ARID4B: variants seen among roughly 807,000 people sequenced by gnomAD.
ARID4B encodes the protein AT-rich interactive domain-containing protein 4B.
ARID4B carries 26 observed loss-of-function variants against 147.5 expected under a neutral mutation model. The observed-to-expected ratio is 0.18, with a 90% CI of 0.13 to 0.24. ARID4B has a LOEUF of 0.24. Ranked by LOEUF, ARID4B falls within the 10% of genes least tolerant of loss-of-function variation. The pLI is 1.00. For missense variants in ARID4B, 1,179 were observed against 1,511.5 expected (o/e 0.78, Z 3.65); for synonymous variants, 512 against 507.9 (o/e 1.01, Z -0.11).
At chr1:235,172,538 A>G (rs1439244149) in intron 23 of ARID4B, 80 bp downstream of exon 23, 1 of 1,033,580 alleles carries the variant, frequency 9.7e-7, no homozygotes. Context: ...AGATTGCGCC[A>G]TTGCACTCCA....
chr1:235,288,173 G>A (rs568088936), intron 2 of ARID4B, among the ~76,000 whole-genome samples: 8 of 152,238 alleles, frequency 5.3e-5, no homozygotes, highest in Non-Finnish European at 1.0e-4. Context: ...TTAGCCAGGC[G>A]TGGTGGTGGG....
chr1:235,302,135 ACT>A (rs1311773407), intron 2 of ARID4B, among the ~76,000 whole-genome samples: 5 of 117,354 alleles, frequency 4.3e-5, no homozygotes, highest in African/African-American at 1.7e-4. Context: ...TGCCTGGCTG[ACT>A]CTGTCTCAAA....
chr1:235,207,836 T>A (rs1371682427), intron 17 of ARID4B, among the ~76,000 whole-genome samples: 1 of 152,234 alleles, frequency 6.6e-6, no homozygotes, highest in Non-Finnish European at 1.5e-5. Context: ...CTAAGAGGAT[T>A]TAATTTGTTT....
At chr1:235,242,912 A>C (rs1263133742) in intron 7 of ARID4B, among the ~76,000 whole-genome samples, 1 of 151,612 alleles carries the variant, frequency 6.6e-6, no homozygotes, top group African/African-American at 2.4e-5. Flanking sequence ...CTGCCCATCT[A>C]CCTCTTTTCA....
At position 235,182,315 on chromosome 1, in the gene ARID4B, T is replaced by C; in HGVS notation, c.2604A>G (p.Glu868=). ...SNSSSDEDEE[E]TKAKMTPTKK... Reference sequence around the variant, plus strand: ...TAGTTGGTGTCATCTTTGCTTTTGTTTCTTCTTCATCTTCATCTGAAGAGC... The same window carrying C: ...TAGTTGGTGTCATCTTTGCTTTTGTCTCTTCTTCATCTTCATCTGAAGAGC... The change falls in exon 20 of 24, where the codon GAA becomes GAG. Residue 868 remains glutamate, a synonymous_variant. Transcript: ENST00000264183. 1 of 1,614,020 alleles carries C rather than the reference T, an allele frequency of 6.2e-7. No individual in the cohort carries two copies. Among genetic ancestry groups the C allele is most frequent in the African/African-American group, 1.3e-5 (1 of 75,032 alleles).
rs76985836 is a variant in ARID4B, at chr1:235,251,001, A to C, written c.354+1729T>G. On this transcript the variant is annotated intron_variant, in intron 6 of 23. Transcript: ENST00000264183. ...CACTGACTGTACGGAAATGAAATTAAAATAATTCCACGAACTCAGGGAGAA... is the reference window on the plus strand; with the variant it reads ...CACTGACTGTACGGAAATGAAATTACAATAATTCCACGAACTCAGGGAGAA... 5.9e-4 allele frequency among the ~76,000 whole-genome samples: 90 copies of C among 152,304 alleles called. No homozygotes were observed. In the East Asian group the frequency reaches 0.013, roughly 22 times the overall value.
At chr1:235,218,541 A>G (rs1558213218) in intron 16 of ARID4B, among the ~76,000 whole-genome samples, 1 of 152,188 alleles carries the variant, frequency 6.6e-6, no homozygotes, top group Non-Finnish European at 1.5e-5. Context: ...ACATAGAAAT[A>G]TAACAAAGTA....
chr1:235,313,322 G>A (rs1210633067), intron 2 of ARID4B, among the ~76,000 whole-genome samples: 1 of 148,462 alleles, frequency 6.7e-6, no homozygotes, highest in African/African-American at 2.4e-5. Context: ...GACCCACCGT[G>A]CATGCCTAAG....
chr1:235,278,772 C>T (rs2103170611), intron 2 of ARID4B, among the ~76,000 whole-genome samples: 1 of 152,292 alleles, frequency 6.6e-6, no homozygotes, highest in East Asian at 1.9e-4. Context: ...AATTGTCCTA[C>T]CACTTTTGGC....
chr1:235,306,815 C>G (rs1356742065), intron 2 of ARID4B, among the ~76,000 whole-genome samples: 1 of 151,934 alleles, frequency 6.6e-6, no homozygotes, highest in Non-Finnish European at 1.5e-5. Context: ...ACCACCACAC[C>G]CGGCTAATTT....
At chr1:235,297,484 G>A (rs1157607427) in intron 2 of ARID4B, among the ~76,000 whole-genome samples, 2 of 152,136 alleles carry the variant, frequency 1.3e-5, no homozygotes, top group African/African-American at 4.8e-5. Context: ...AAATGTAGGA[G>A]TGATATAATT....
intron 19 of ARID4B, among the ~76,000 whole-genome samples, chr1:235,185,603 G>C (rs1333055494): frequency 1.3e-5 from 2 of 152,054 alleles, no homozygotes; most frequent in African/African-American, 4.8e-5. Context: ...ATCTGTACTA[G>C]AGCTCATCGA....
chr1:235,325,789 C>A (rs59743715), intron 2 of ARID4B, among the ~76,000 whole-genome samples: 1 of 152,026 alleles, frequency 6.6e-6, no homozygotes, highest in Non-Finnish European at 1.5e-5. Flanking sequence ...AAAGAGAAAA[C>A]CTTAAAAAAA....
chr1:235,225,387 G>A (rs10495360), intron 11 of ARID4B, among the ~76,000 whole-genome samples: 6,037 of 152,250 alleles, frequency 0.04, 452 homozygotes, highest in African/African-American at 0.14. Context: ...TCAATTACAA[G>A]GGAAGGACTA....
intron 2 of ARID4B, among the ~76,000 whole-genome samples, chr1:235,309,312 C>T (rs1327710126): frequency 4.9e-5 from 7 of 142,190 alleles, no homozygotes; most frequent in African/African-American, 1.6e-4. Flanking sequence ...GGAGCCCCTC[C>T]GCCCGGCAGC....
intron 19 of ARID4B, among the ~76,000 whole-genome samples, chr1:235,186,722 A>AT (rs1214658354): frequency 7.2e-6 from 1 of 139,512 alleles, no homozygotes; most frequent in African/African-American, 2.7e-5. Context: ...TTTAATTTAG[A>AT]TTTTTTGTTT....
intron 2 of ARID4B, among the ~76,000 whole-genome samples, chr1:235,309,204 G>T (rs1277075718): frequency 2.0e-5 from 3 of 148,750 alleles, no homozygotes; most frequent in African/African-American, 5.0e-5. Context: ...CTGCCCGGCC[G>T]CCCCGTCTGA....
chr1:235,240,440 T>G lies in ARID4B; in HGVS notation c.458A>C (p.Glu153Ala), dbSNP rs764389445. ...GRRSNHIPEE[E>A]SSSSSSDEDE... Reference sequence around the variant, plus strand: ...TTCATCACTGGAGGATGATGAAGACTCTTCCTCTGGTCTAGGGAGAGAAAA... The same window carrying G: ...TTCATCACTGGAGGATGATGAAGACGCTTCCTCTGGTCTAGGGAGAGAAAA... The change falls in exon 8 of 24, where the codon GAG becomes GCG. Residue 153 changes from glutamate (E) to alanine (A), a missense_variant. By Grantham distance (107) the Glu-to-Ala change is moderately radical. This residue lies in a region of ARID4B where 159 missense variants were observed against 190.5 expected (regional missense o/e 0.83). Coordinates refer to ENST00000264183, the MANE Select transcript of ARID4B (RefSeq NM_016374.6). 5 of 1,613,216 alleles carry G rather than the reference T, an allele frequency of 3.1e-6. No homozygotes were observed. The Admixed American group carries it at 6.7e-5, about 22-fold the overall frequency.
rs145851682 is a variant in ARID4B at position 235,321,087 on chromosome 1, G to A, written c.6+5827C>T. On this transcript the variant is annotated intron_variant, in intron 2 of 23. Coordinates refer to ENST00000264183, the MANE Select transcript of ARID4B (RefSeq NM_016374.6). ...ATCCTCAAAACCCAGAACAATGTCCGGTACAAGGAAAGTACACAATGTGTT... is the reference window on the plus strand; with the variant it reads ...ATCCTCAAAACCCAGAACAATGTCCAGTACAAGGAAAGTACACAATGTGTT... Among the ~76,000 whole-genome samples, 42 of 152,154 alleles carry A rather than the reference G, an allele frequency of 2.8e-4. 1 individual carries two copies. In the East Asian group the frequency reaches 6.7e-3, roughly 24 times the overall value.
Sources: gnomAD v4.1 joint callset for allele counts (sites outside exome capture counted in the v4.1 genomes callset) on GRCh38, gnomAD v4.1.1 for gene constraint, gnomAD v4.1.1 regional missense constraint, MANE v1.5 for transcripts, NCBI Gene and HGNC (gene_info 2026-07-23, HGNC 2026-07-21) for gene names.